Variants in ACVR1 observed in about 807,000 individuals in gnomAD.
The protein encoded by ACVR1 is activin receptor type-1.
In ACVR1, 38 loss-of-function variants were observed where a neutral mutation model predicts 57.1. The observed-to-expected ratio is 0.67, with a 90% CI of 0.51 to 0.87. ACVR1 has a LOEUF of 0.87. Among genes scored for constraint, ACVR1 ranks in the 40% least tolerant of loss-of-function variants. ACVR1 has a pLI of 0.00. For missense variants in ACVR1, 463 were observed against 638.2 expected (o/e 0.73, Z 2.96); for synonymous variants, 212 against 228.1 (o/e 0.93, Z 0.63).
At chr2:157,847,417 G>A (rs559312425) in intron 1 of ACVR1, among the ~76,000 whole-genome samples, 5 of 152,006 alleles carry the variant, frequency 3.3e-5, no homozygotes, top group South Asian at 4.2e-4. Context: ...TATGGCTAAG[G>A]GAGAAAAAAA....
rs573885862 is a variant in ACVR1 at position 157,850,655 on chromosome 2, A to G, written c.-183+25141T>C. 2.5e-3 allele frequency among the ~76,000 whole-genome samples: 385 copies of G among 152,300 alleles called. 1 individual carries two copies. Among genetic ancestry groups the G allele is most frequent in the African/African-American group, 8.5e-3 (355 of 41,572 alleles). On this transcript the variant is annotated intron_variant, in intron 1 of 10. Coordinates refer to ENST00000434821, the MANE Select transcript of ACVR1 (RefSeq NM_001111067.4). Reference sequence around the variant, plus strand: ...AGATAAATAAAAAGTCAAAAGATAAAAAGAAAAAGAAGTTTACTTGGACAG... The same window carrying G: ...AGATAAATAAAAAGTCAAAAGATAAGAAGAAAAAGAAGTTTACTTGGACAG...
At chr2:157,839,581 G>A (rs1559087760) in intron 1 of ACVR1, among the ~76,000 whole-genome samples, 1 of 152,154 alleles carries the variant, frequency 6.6e-6, no homozygotes, top group Admixed American at 6.5e-5. Flanking sequence ...GCTGTCCAGC[G>A]ACACTCTTTG....
At chr2:157,769,450 C>A (rs1164536228) in intron 7 of ACVR1, among the ~76,000 whole-genome samples, 1 of 152,162 alleles carries the variant, frequency 6.6e-6, no homozygotes, top group Non-Finnish European at 1.5e-5. Flanking sequence ...AAATCAACTA[C>A]AGAAACTGAA....
At chr2:157,841,727 T>TA (rs1688982477) in intron 1 of ACVR1, among the ~76,000 whole-genome samples, 1 of 151,676 alleles carries the variant, frequency 6.6e-6, no homozygotes, top group South Asian at 2.1e-4. Flanking sequence ...CATCTCTTTA[T>TA]AAAAAAAGAA....
chr2:157,822,714 T>G (rs1011111838), intron 1 of ACVR1, among the ~76,000 whole-genome samples: 1 of 152,210 alleles, frequency 6.6e-6, no homozygotes, highest in African/African-American at 2.4e-5. Context: ...AATAAAAGTT[T>G]TATTGCAACA....
At chr2:157,830,660 T>C (rs916122219) in intron 1 of ACVR1, among the ~76,000 whole-genome samples, 1 of 150,976 alleles carries the variant, frequency 6.6e-6, no homozygotes, top group Admixed American at 6.6e-5. Context: ...TTATATACCA[T>C]GCTAACAATG....
At chr2:157,798,314 A>C (rs1474763879) in intron 3 of ACVR1, among the ~76,000 whole-genome samples, 1 of 152,118 alleles carries the variant, frequency 6.6e-6, no homozygotes, top group South Asian at 2.1e-4. Context: ...TTCTACCAAA[A>C]TCTGTTCACC....
rs191899508 is a variant in ACVR1, at chr2:157,844,792, G to A, written c.-182-26233C>T. 1.2e-3 allele frequency among the ~76,000 whole-genome samples: 181 copies of A among 152,024 alleles called. 1 individual carries two copies. Among genetic ancestry groups the A allele is most frequent in the Admixed American group, 3.8e-3 (58 of 15,268 alleles). On this transcript the variant is annotated intron_variant, in intron 1 of 10. Coordinates refer to ENST00000434821, the MANE Select transcript of ACVR1 (RefSeq NM_001111067.4). ...AATACCCAATGAGATAGTATTAAGA[G>A]GGGGGGAGCCTTTGGTGCGTGATTA...
intron 1 of ACVR1, chr2:157,838,260 C>G (rs1346582348): frequency 6.6e-6 from 1 of 152,136 alleles, no homozygotes; most frequent in Non-Finnish European, 1.5e-5. Context: ...CCCAATATCT[C>G]TGAAACGCTA....
At chr2:157,762,677 T>TA (rs1439408402) in intron 8 of ACVR1, among the ~76,000 whole-genome samples, 1 of 152,212 alleles carries the variant, frequency 6.6e-6, no homozygotes, top group Admixed American at 6.5e-5. Flanking sequence ...GACTATTGAA[T>TA]AGACTATGGC....
intron 9 of ACVR1, among the ~76,000 whole-genome samples, chr2:157,753,321 A>G (rs1368895095): frequency 6.6e-6 from 1 of 152,204 alleles, no homozygotes; most frequent in Admixed American, 6.5e-5. Flanking sequence ...CAAGGTCAGG[A>G]GTTTGAGACC....
intron 9 of ACVR1, among the ~76,000 whole-genome samples, chr2:157,748,899 G>A (rs1412754740): frequency 1.3e-5 from 2 of 152,160 alleles, no homozygotes; most frequent in Non-Finnish European, 2.9e-5. Context: ...CAATCCTTAG[G>A]AGAAAACATC....
At chr2:157,787,240 A>G (rs1048083641) in intron 3 of ACVR1, among the ~76,000 whole-genome samples, 6 of 152,194 alleles carry the variant, frequency 3.9e-5, no homozygotes, top group Non-Finnish European at 8.8e-5. Context: ...CATGCCTTTT[A>G]TGATTCTCTG....
intron 1 of ACVR1, among the ~76,000 whole-genome samples, chr2:157,868,438 T>C (rs1463154632): frequency 1.3e-5 from 2 of 149,504 alleles, no homozygotes; most frequent in Non-Finnish European, 2.9e-5. Flanking sequence ...TGAGCCGAGA[T>C]CGCGCCACGG....
At position 157,802,637 on chromosome 2, in the gene ACVR1, G is replaced by A. The variant is rs976707946; in HGVS notation, c.-7-3137C>T. On this transcript the variant is annotated intron_variant, in intron 2 of 10. Transcript: ENST00000434821. ...AACCTACTGAATTCCTACTCATCCC[G>A]TAAGTCTCAATGGCTTCTCTAAAGG... is the stretch of plus-strand genomic sequence containing the variant. Among the ~76,000 whole-genome samples the A allele has an allele frequency of 1.2e-4, 19 of 152,160 alleles. 1 individual carries two copies. Among genetic ancestry groups the A allele is most frequent in the Admixed American group, 2.6e-4 (4 of 15,282 alleles).
intron 1 of ACVR1, among the ~76,000 whole-genome samples, chr2:157,852,338 A>G (rs772277254): frequency 2.6e-4 from 40 of 152,086 alleles, no homozygotes; most frequent in Middle Eastern, 3.4e-3. Flanking sequence ...TCTCTATAAA[A>G]AATACAAAAA....
At chr2:157,785,776 T>C (rs898473468) in intron 3 of ACVR1, among the ~76,000 whole-genome samples, 4 of 152,164 alleles carry the variant, frequency 2.6e-5, no homozygotes, top group African/African-American at 4.8e-5. Context: ...AAATTGAATA[T>C]CAACAACAAA....
At chr2:157,874,279 C>G (rs903037986) in intron 1 of ACVR1, among the ~76,000 whole-genome samples, 3 of 152,162 alleles carry the variant, frequency 2.0e-5, no homozygotes, top group Non-Finnish European at 4.4e-5. Flanking sequence ...TTTTAAAATT[C>G]CAAGACAGAA....
chr2:157,771,852 C>T (rs887300567), intron 6 of ACVR1, among the ~76,000 whole-genome samples: 2 of 152,170 alleles, frequency 1.3e-5, no homozygotes, highest in Non-Finnish European at 2.9e-5. Flanking sequence ...ATTTAGTACA[C>T]GATTCCTTTT....
Sources: allele counts gnomAD v4.1 joint callset (sites outside exome capture counted in the v4.1 genomes callset), GRCh38; gene constraint gnomAD v4.1.1; transcripts MANE v1.5; gene names NCBI Gene and HGNC (gene_info 2026-07-23, HGNC 2026-07-21).